The following KCNK3 variants were observed in gnomAD, a reference collection of about 807,000 sequenced individuals.
The protein encoded by KCNK3 is potassium two pore domain channel subfamily K member 3.
Under a neutral mutation model 27.3 loss-of-function variants are expected in KCNK3, and 9 were observed. The observed-to-expected ratio is 0.33, with a 90% CI of 0.20 to 0.57. KCNK3 has a LOEUF of 0.57. KCNK3 is among the 20% of genes least tolerant of loss of function. KCNK3 has a pLI of 0.87. For missense variants in KCNK3, 391 were observed against 577.7 expected (o/e 0.68, Z 3.31); for synonymous variants, 278 against 273.8 (o/e 1.02, Z -0.15).
chr2:26,695,004 C>A (rs1375240359), intron 1 of KCNK3, among the ~76,000 whole-genome samples: 1 of 152,152 alleles, frequency 6.6e-6, no homozygotes, highest in Non-Finnish European at 1.5e-5. Context: ...CAATTCCCTT[C>A]TTGGAATCCC....
chr2:26,704,945 T>A (rs1459289534), intron 1 of KCNK3, among the ~76,000 whole-genome samples: 2 of 152,028 alleles, frequency 1.3e-5, no homozygotes, highest in Non-Finnish European at 2.9e-5. Flanking sequence ...ATGGCTGCCC[T>A]AGGAGGGAGG....
rs1439788490 is a variant in KCNK3 at position 26,730,624 on chromosome 2, C to A, written c.*2056C>A. ...CACCCGTAGGGTGGCCAGCCTCAGG[C>A]CCCACCCCAGCTGTGTCCTCTAGTC... On this transcript the variant is annotated 3_prime_UTR_variant, in exon 2 of 2. Transcript: ENST00000302909. 3 of 151,178 alleles carry A rather than the reference C, an allele frequency of 2.0e-5. No homozygotes were observed. Among genetic ancestry groups the A allele is most frequent in the African/African-American group, 7.2e-5 (3 of 41,436 alleles). 9.4% of individuals were successfully genotyped at this position (151,178 alleles called of 1,614,324 possible).
chr2:26,715,691 G>A (rs912241667), intron 1 of KCNK3, among the ~76,000 whole-genome samples: 1 of 152,194 alleles, frequency 6.6e-6, no homozygotes, highest in African/African-American at 2.4e-5. Flanking sequence ...GGGCCGGGAG[G>A]GTGTAGGGGC....
chr2:26,717,606 A>G (rs1009753683), intron 1 of KCNK3, among the ~76,000 whole-genome samples: 2 of 152,350 alleles, frequency 1.3e-5, no homozygotes, highest in African/African-American at 4.8e-5. Flanking sequence ...ACCAGATCCA[A>G]TCTGTTAGAA....
chr2:26,703,273 C>T (rs935758127), intron 1 of KCNK3, among the ~76,000 whole-genome samples: 3 of 152,148 alleles, frequency 2.0e-5, no homozygotes, highest in Non-Finnish European at 4.4e-5. Context: ...ATCTCCCAAA[C>T]TTAAAGACAA....
Position 26,692,989 on chromosome 2 carries a change from G to T in KCNK3, c.114G>T (p.Arg38=). The change falls in exon 1 of 2, where the codon CGG becomes CGT. Residue 38 remains arginine (R), a synonymous_variant. Transcript: ENST00000302909. This position sits in a 1 kb window ranked among gnomAD's most constrained non-coding sequence, Gnocchi z 5.6. ...ALESEPELIE[R]QRLELRQQEL... ...AGTCGGAGCCCGAGCTGATCGAGCG[G>T]CAGCGGCTGGAGCTGCGGCAGCAGG... The T allele has an allele frequency of 6.4e-7, 1 of 1,574,260 alleles. No individual in the cohort carries two copies.
intron 1 of KCNK3, among the ~76,000 whole-genome samples, chr2:26,699,207 G>GTGAA (rs1670273971): frequency 7.6e-6 from 1 of 130,966 alleles, no homozygotes; most frequent in Non-Finnish European, 1.6e-5. Context: ...AGGAAAGAGA[G>GTGAA]AGAAAGAAAG....
Position 26,728,722 on chromosome 2 carries a change from T to A in KCNK3, c.*154T>A. ...ACCCCCATCTCCGACTGTGCCTGCT[T>A]GCACCAGCCGGCAGGAGGCCGGGCT... is the stretch of plus-strand genomic sequence containing the variant. On this transcript the variant is annotated 3_prime_UTR_variant, in exon 2 of 2. Transcript: ENST00000302909. The A allele has an allele frequency of 1.6e-6, 1 of 627,266 alleles. No homozygotes were observed. The highest frequency in any genetic ancestry group is 2.3e-6 in the Non-Finnish European group (1 of 426,650). 38.9% of individuals were successfully genotyped at this position (627,266 alleles called of 1,614,324 possible).
At chr2:26,718,026 C>T (rs540285186) in intron 1 of KCNK3, among the ~76,000 whole-genome samples, 1 of 152,268 alleles carries the variant, frequency 6.6e-6, no homozygotes, top group African/African-American at 2.4e-5. Context: ...ACACACCATG[C>T]ATCCACTCTC....
chr2:26,726,137 A>AGG (rs1663415838), intron 1 of KCNK3, among the ~76,000 whole-genome samples: 1 of 151,798 alleles, frequency 6.6e-6, no homozygotes. Flanking sequence ...AGAGAGAGAG[A>AGG]GAGAGACAGT....
chr2:26,720,052 C>G (rs1663300055), intron 1 of KCNK3, among the ~76,000 whole-genome samples: 1 of 152,136 alleles, frequency 6.6e-6, no homozygotes. Flanking sequence ...CACTTGAGAT[C>G]AGGAGTTTGA....
rs1315059704 is a variant in KCNK3 at position 26,692,801 on chromosome 2, G to T, written c.-75G>T. 15 of 847,036 alleles carry T rather than the reference G, an allele frequency of 1.8e-5. No homozygotes were observed. In the African/African-American group the frequency reaches 2.2e-4, roughly 12 times the overall value. 52.5% of individuals were successfully genotyped at this position (847,036 alleles called of 1,614,324 possible). ...CAGCCATGCCCCAGGCCGCCTCCGGGGCAGCAGCAGCGGCGGCCGGGGCCG... is the reference window on the plus strand; with the variant it reads ...CAGCCATGCCCCAGGCCGCCTCCGGTGCAGCAGCAGCGGCGGCCGGGGCCG... On this transcript the variant is annotated 5_prime_UTR_variant, in exon 1 of 2. Transcript: ENST00000302909. This position sits in a 1 kb window ranked among gnomAD's most constrained non-coding sequence, Gnocchi z 5.6.
chr2:26,709,387 G>A (rs1663056425), intron 1 of KCNK3, among the ~76,000 whole-genome samples: 1 of 152,154 alleles, frequency 6.6e-6, no homozygotes. Flanking sequence ...GGGAGGTCAA[G>A]CAAGGAAGGG....
chr2:26,697,459 C>T (rs1200283807), intron 1 of KCNK3, among the ~76,000 whole-genome samples: 2 of 152,280 alleles, frequency 1.3e-5, no homozygotes, highest in African/African-American at 2.4e-5. Context: ...GAGCCGAGAT[C>T]GCACCATTGC....
chr2:26,709,455 G>A (rs983492542), intron 1 of KCNK3, among the ~76,000 whole-genome samples: 7 of 152,156 alleles, frequency 4.6e-5, no homozygotes, highest in Non-Finnish European at 1.0e-4. Flanking sequence ...AGGCCAGGGG[G>A]AGTGTTTCCA....
At chr2:26,725,605 C>G (rs1325689850) in intron 1 of KCNK3, among the ~76,000 whole-genome samples, 1 of 152,154 alleles carries the variant, frequency 6.6e-6, no homozygotes, top group African/African-American at 2.4e-5. Flanking sequence ...TGTGGTCTGG[C>G]TGCCATGGCC....
At chr2:26,726,699 C>T (rs927708095) in intron 1 of KCNK3, among the ~76,000 whole-genome samples, 2 of 143,088 alleles carry the variant, frequency 1.4e-5, no homozygotes, top group African/African-American at 5.2e-5. Flanking sequence ...TCCAGTTAGC[C>T]GGAAGAATTC....
chr2:26,727,439 C>T (rs573685940), intron 1 of KCNK3, among the ~76,000 whole-genome samples: 74 of 152,308 alleles, frequency 4.9e-4, no homozygotes, highest in African/African-American at 1.7e-3. Flanking sequence ...TGGAAGTCAT[C>T]CCTCCTTATT....
At chr2:26,711,054 A>G (rs961949180) in intron 1 of KCNK3, among the ~76,000 whole-genome samples, 6 of 152,154 alleles carry the variant, frequency 3.9e-5, no homozygotes, top group Admixed American at 6.5e-5. Flanking sequence ...GCCGGAGCTA[A>G]CCAGCCCCTC....
Sources: allele counts gnomAD v4.1 joint callset (sites outside exome capture counted in the v4.1 genomes callset), GRCh38; gene constraint gnomAD v4.1.1; non-coding constraint Gnocchi (gnomAD v3.1); transcripts MANE v1.5; gene names NCBI Gene and HGNC (gene_info 2026-07-23, HGNC 2026-07-21).